The following RSPH14 variants were observed in gnomAD, a reference collection of about 807,000 sequenced individuals.
The protein encoded by RSPH14 is rhabdoid tumor deletion region gene 1.
RSPH14 carries 20 observed loss-of-function variants against 26.7 expected under a neutral mutation model. The observed-to-expected ratio is 0.75, with a 90% CI of 0.53 to 1.09. The LOEUF (loss-of-function observed/expected upper bound fraction) is 1.09. Ranked by LOEUF, RSPH14 falls within the 50% of genes least tolerant of loss-of-function variation. RSPH14 has a pLI of 0.00. For missense variants in RSPH14, 449 were observed against 457.2 expected (o/e 0.98, Z 0.16); for synonymous variants, 177 against 189.3 (o/e 0.93, Z 0.53).
At chr22:23,086,461 C>T (rs1174516935) in intron 4 of RSPH14, among the ~76,000 whole-genome samples, 1 of 152,212 alleles carries the variant, frequency 6.6e-6, no homozygotes, top group African/African-American at 2.4e-5. Flanking sequence ...CTGCGTGTCT[C>T]CAGCCACGGG....
upstream of RSPH14, among the ~76,000 whole-genome samples, chr22:23,144,026 G>A (rs2070656204): frequency 6.9e-6 from 1 of 145,282 alleles, no homozygotes; most frequent in Admixed American, 7.1e-5. Flanking sequence ...CCGGGAGGCG[G>A]AGATTGCAGT....
the RSPH14 span, among the ~76,000 whole-genome samples, chr22:23,171,853 A>C: frequency 2.7e-5 from 2 of 73,906 alleles, no homozygotes; most frequent in Non-Finnish European, 5.2e-5. Flanking sequence ...AAAAAAAAAA[A>C]ACAAAAAAAA....
chr22:23,078,741 T>G (rs2068581583), intron 4 of RSPH14, among the ~76,000 whole-genome samples: 1 of 152,136 alleles, frequency 6.6e-6, no homozygotes, highest in African/African-American at 2.4e-5. Context: ...GGCCAGGGCT[T>G]CTAAGGGGGC....
Position 23,140,596 on chromosome 22 carries a change from CTG to C in RSPH14, c.-52-126_-52-125del, listed in dbSNP as rs371546696. 9.0e-5 allele frequency: 102 copies of C among 1,130,698 alleles called. 2 individuals carry two copies. The South Asian group carries it at 9.6e-4, about 11-fold the overall frequency. 70.0% of individuals were successfully genotyped at this position (1,130,698 alleles called of 1,614,324 possible). A position where few individuals can be genotyped will look rare whatever the true frequency, so the allele number is the denominator to read the frequency against. On this transcript the variant is annotated intron_variant, in intron 1 of 6. Coordinates refer to ENST00000216036, the MANE Select transcript of RSPH14 (RefSeq NM_014433.3). ...TACTTTCATTTTACAGATGAGCAAA[CTG>C]AGGCTGAGAGCAATGAAGAGATTTG... is the stretch of plus-strand genomic sequence containing the variant.
intron 4 of RSPH14, among the ~76,000 whole-genome samples, chr22:23,078,489 A>G (rs79980463): frequency 8.8e-6 from 1 of 113,936 alleles, no homozygotes; most frequent in Non-Finnish European, 1.9e-5. Context: ...TGACACCCCC[A>G]TCTCTGTCGT....
the RSPH14 span, among the ~76,000 whole-genome samples, chr22:23,169,171 C>T: frequency 3.9e-5 from 6 of 152,244 alleles, no homozygotes; most frequent in East Asian, 1.2e-3. Flanking sequence ...CACTCGGAAC[C>T]TGGGACCAGC....
chr22:23,085,867 G>T (rs1445342014), intron 4 of RSPH14, among the ~76,000 whole-genome samples: 1 of 152,216 alleles, frequency 6.6e-6, no homozygotes, highest in African/African-American at 2.4e-5. Flanking sequence ...CCAGAGGAAG[G>T]TAATCCTTTT....
At chr22:23,149,068 C>T (rs539195507), upstream of RSPH14, among the ~76,000 whole-genome samples, 1 of 152,314 alleles carries the variant, frequency 6.6e-6, no homozygotes, top group South Asian at 2.1e-4. Context: ...TCAATCACAG[C>T]TGGAACTGAG....
At chr22:23,091,199 G>T (rs1956844253) in intron 4 of RSPH14, among the ~76,000 whole-genome samples, 1 of 152,152 alleles carries the variant, frequency 6.6e-6, no homozygotes, top group South Asian at 2.1e-4. Flanking sequence ...CATGTACATG[G>T]ATCTGCGCGT....
chr22:23,167,578 G>C, the RSPH14 span, among the ~76,000 whole-genome samples: 1 of 152,204 alleles, frequency 6.6e-6, no homozygotes, highest in East Asian at 1.9e-4. Flanking sequence ...CTCACTCTCT[G>C]GAGGGATGCA....
At chr22:23,101,192 G>A (rs1409870739) in intron 4 of RSPH14, among the ~76,000 whole-genome samples, 1 of 152,198 alleles carries the variant, frequency 6.6e-6, no homozygotes, top group Non-Finnish European at 1.5e-5. Flanking sequence ...TTCCTAACCA[G>A]CCGGCTTTGC....
chr22:23,139,473 T>C (rs1235357353), intron 2 of RSPH14, among the ~76,000 whole-genome samples: 1 of 152,060 alleles, frequency 6.6e-6, no homozygotes, highest in African/African-American at 2.4e-5. Flanking sequence ...TACAAAATAT[T>C]AGCCAGGCAT....
intron 4 of RSPH14, among the ~76,000 whole-genome samples, chr22:23,129,122 C>T (rs1417919759): frequency 1.3e-5 from 2 of 152,170 alleles, no homozygotes. Flanking sequence ...CCAGGCCCCC[C>T]ACCCAGAGGC....
At chr22:23,063,082 G>C (rs1027791985) in intron 5 of RSPH14, among the ~76,000 whole-genome samples, 18 of 152,184 alleles carry the variant, frequency 1.2e-4, no homozygotes, top group Non-Finnish European at 2.2e-4. Flanking sequence ...TTCAGAGAGA[G>C]AGAGCTCTCT....
At chr22:23,147,190 C>T (rs2070829644), upstream of RSPH14, among the ~76,000 whole-genome samples, 1 of 152,212 alleles carries the variant, frequency 6.6e-6, no homozygotes, top group Admixed American at 6.5e-5. Flanking sequence ...CTTGAAAACT[C>T]ACAGCTCTCT....
intron 4 of RSPH14, among the ~76,000 whole-genome samples, chr22:23,103,676 A>G (rs2069372571): frequency 6.6e-6 from 1 of 152,152 alleles, no homozygotes; most frequent in African/African-American, 2.4e-5. Flanking sequence ...GGGCCATCTG[A>G]TGTTCTCCAT....
chr22:23,145,394 T>C (rs1295701639), upstream of RSPH14: 1 of 1,608,994 alleles, frequency 6.2e-7, no homozygotes, highest in African/African-American at 1.3e-5. Context: ...AGCTGGATGC[T>C]TGGACGCGCC....
the RSPH14 span, among the ~76,000 whole-genome samples, chr22:23,173,623 T>TTA: frequency 1.0e-5 from 1 of 99,834 alleles, no homozygotes; most frequent in African/African-American, 4.3e-5. Context: ...TTATTTTTGG[T>TTA]TTTTTGTTTT....
At chr22:23,140,089 G>A (rs2146455915) in intron 2 of RSPH14, 133 bp downstream of exon 2, 2 of 1,081,722 alleles carry the variant, frequency 1.8e-6, no homozygotes, top group East Asian at 5.2e-5. Flanking sequence ...AAAGAACCCG[G>A]GCACCGCACC....
Sources: allele counts gnomAD v4.1 joint callset (sites outside exome capture counted in the v4.1 genomes callset), GRCh38; gene constraint gnomAD v4.1.1; transcripts MANE v1.5; gene names NCBI Gene and HGNC (gene_info 2026-07-23, HGNC 2026-07-21).